NUP42: variants seen among roughly 807,000 people sequenced by gnomAD.
The protein encoded by NUP42 is nucleoporin 42.
Under a neutral mutation model 35.9 loss-of-function variants are expected in NUP42, and 47 were observed. The ratio of observed to expected loss-of-function variants is 1.31; its 90% CI spans 1.04 to 1.67. The LOEUF is 1.67. Ranked by LOEUF, NUP42 falls within the 40% of genes most tolerant of loss-of-function variation. The pLI, the probability that NUP42 is intolerant of heterozygous loss-of-function variation, is 0.00. For missense variants in NUP42, 514 were observed against 492.2 expected, an observed-to-expected ratio of 1.04 and a Z score of -0.42; for synonymous variants, 173 against 173.3, an observed-to-expected ratio of 1.00 and a Z score of 0.01.
At chr7:23,198,202 A>ATTTTTTT (rs1554296929) in intron 5 of NUP42, 2 of 107,176 alleles carry the variant, frequency 1.9e-5, no homozygotes, top group African/African-American at 9.5e-5. Flanking sequence ...AAACAAAAGC[A>ATTTTTTT]TTCTTTTTTT....
At chr7:23,187,599 C>CTTTTTTTTTT (rs11446033) in intron 3 of NUP42, among the ~76,000 whole-genome samples, 2 of 84,828 alleles carry the variant, frequency 2.4e-5, no homozygotes, top group African/African-American at 5.0e-5. Flanking sequence ...GGGATAGCAA[C>CTTTTTTTTTT]TTTTTTTTTT....
At chr7:23,184,992 T>G in intron 1 of NUP42, 78 bp from the exon 2 acceptor site, 1 of 1,224,624 alleles carries the variant, frequency 8.2e-7, no homozygotes, top group African/African-American at 1.5e-5. Flanking sequence ...GGCAAAAGAG[T>G]GAGACCCTAT....
chr7:23,188,075 T>C (rs1785664965), intron 3 of NUP42: 5 of 1,443,226 alleles, frequency 3.5e-6, no homozygotes, highest in Non-Finnish European at 4.6e-6. Context: ...CACCGGGCTT[T>C]CCCAAGCCCA....
intron 3 of NUP42, among the ~76,000 whole-genome samples, chr7:23,189,074 A>T (rs1403833866): frequency 6.6e-6 from 1 of 152,206 alleles, no homozygotes; most frequent in Non-Finnish European, 1.5e-5. Flanking sequence ...CCCATGCCCA[A>T]GTGTGATGAA....
At chr7:23,184,814 C>G (rs565331889) in intron 1 of NUP42, among the ~76,000 whole-genome samples, 125 of 152,078 alleles carry the variant, frequency 8.2e-4, no homozygotes, top group Non-Finnish European at 1.5e-3. Context: ...AGACCAACCC[C>G]GGGCAATATG....
rs763366673 is a variant in NUP42 at position 23,199,577 on chromosome 7, T to C, written c.694+35T>C. ...AAAGTAATGCAGGACTTCACTGATT[T>C]AGAAAAATTAGATTTTATAGGTTTC... On this transcript the variant is annotated intron_variant, in intron 6 of 6. Transcript: ENST00000258742. 4 of 1,531,906 alleles carry C rather than the reference T, an allele frequency of 2.6e-6. No homozygotes were observed. The South Asian group carries it at 4.5e-5, about 17-fold the overall frequency. 94.9% of individuals were successfully genotyped at this position (1,531,906 alleles called of 1,614,324 possible).
chr7:23,200,037 C>T (rs750345302), intron 6 of NUP42, 131 bp from the exon 7 acceptor site: 42 of 672,768 alleles, frequency 6.2e-5, no homozygotes, highest in Non-Finnish European at 8.3e-5. Flanking sequence ...TCATCTCGTC[C>T]GTCCAGTAAG....
intron 3 of NUP42, among the ~76,000 whole-genome samples, chr7:23,189,635 G>C (rs1785721638): frequency 1.3e-5 from 2 of 149,302 alleles, no homozygotes; most frequent in Admixed American, 6.7e-5. Flanking sequence ...TTTTTTGGCT[G>C]TGCACGGTGG....
In NUP42 at chr7:23,182,222, A is replaced by T; in HGVS notation, c.121+16A>T. On this transcript the variant is annotated intron_variant, in intron 1 of 6. Transcript: ENST00000258742. ...CAGCCTTCAGGTGACTCTCCTCTGA[A>T]TCCTCCGCGGTAACCGAGCCGGGAA... 6.3e-7 allele frequency: 1 copy of T among 1,595,714 alleles called. No homozygotes were observed. The highest frequency in any genetic ancestry group is 8.5e-7 in the Non-Finnish European group (1 of 1,171,076).
Position 23,196,692 on chromosome 7 carries a change from C to A in NUP42, c.535C>A (p.Gln179Lys). Residue 179 changes from glutamine to lysine, a missense_variant, in exon 5 of 7, where the codon CAA (glutamine) becomes AAA (lysine). Coordinates refer to ENST00000258742, the MANE Select transcript of NUP42 (RefSeq NM_007342.3). ...CTTCCGTTTTCAGCTAAATTCTGTCCAACGTTTAATAAATCAATGGAGGAA... is the reference window on the plus strand; with the variant it reads ...CTTCCGTTTTCAGCTAAATTCTGTCAAACGTTTAATAAATCAATGGAGGAA... Reference protein sequence around the residue: ...NNLQSYLNSVQRLINQWRNRV... With the variant: ...NNLQSYLNSVKRLINQWRNRV... 6.2e-7 allele frequency: 1 copy of A among 1,609,600 alleles called. No individual in the cohort carries two copies. Among genetic ancestry groups the A allele is most frequent in the South Asian group, 1.1e-5 (1 of 90,840 alleles).
At chr7:23,186,472 A>G (rs1019888766) in intron 2 of NUP42, among the ~76,000 whole-genome samples, 4 of 152,226 alleles carry the variant, frequency 2.6e-5, no homozygotes, top group African/African-American at 7.2e-5. Context: ...TACCCACGGC[A>G]TTACCACAGA....
At chr7:23,187,599 CTTTTT>C (rs11446033) in intron 3 of NUP42, among the ~76,000 whole-genome samples, 3 of 84,828 alleles carry the variant, frequency 3.5e-5, no homozygotes, top group African/African-American at 1.5e-4. Context: ...GGGATAGCAA[CTTTTT>C]TTTTTTTTTT....
chr7:23,188,186 C>G (rs1314485999), intron 3 of NUP42: 5 of 1,276,882 alleles, frequency 3.9e-6, no homozygotes, highest in South Asian at 3.1e-5. Flanking sequence ...GATCTTTCCT[C>G]TGTCTCAGTT....
At position 23,200,104 on chromosome 7, in the gene NUP42, T is replaced by C. The variant is rs189374272; in HGVS notation, c.695-64T>C. Reference sequence around the variant, plus strand: ...AAAAAAAGATAGGGGGAGGAAATAATTGTGACATTTTTCTGACCGTAATAG... The same window carrying C: ...AAAAAAAGATAGGGGGAGGAAATAACTGTGACATTTTTCTGACCGTAATAG... On this transcript the variant is annotated intron_variant, in intron 6 of 6. Coordinates refer to ENST00000258742, the MANE Select transcript of NUP42 (RefSeq NM_007342.3). 4 of 1,142,594 alleles carry C rather than the reference T, an allele frequency of 3.5e-6. No individual in the cohort carries two copies. In the East Asian group the frequency reaches 7.7e-5, roughly 22 times the overall value. The allele number at this position is 1,142,594 out of a possible 1,614,324, so 70.8% of individuals were successfully genotyped here.
intron 3 of NUP42, chr7:23,188,228 TACA>T: frequency 1.0e-5 from 13 of 1,252,660 alleles, no homozygotes; most frequent in Admixed American, 4.2e-5. Flanking sequence ...GCATTTGCAT[TACA>T]ACGCTTCTTA....
chr7:23,195,372 A>G (rs1785978162), intron 3 of NUP42: 1 of 152,390 alleles, frequency 6.6e-6, no homozygotes, highest in South Asian at 2.1e-4. Context: ...TTGTGTGTGA[A>G]TTGCCTGTTC....
Position 23,200,841 on chromosome 7 carries a change from G to T in NUP42, c.*96G>T. 6 of 579,538 alleles carry T rather than the reference G, an allele frequency of 1.0e-5. No individual in the cohort carries two copies. Among genetic ancestry groups the T allele is most frequent in the Non-Finnish European group, 1.3e-5 (5 of 376,540 alleles). The allele number at this position is 579,538 out of a possible 1,614,324, so 35.9% of individuals were successfully genotyped here. On this transcript the variant is annotated 3_prime_UTR_variant, in exon 7 of 7. Coordinates refer to ENST00000258742, the MANE Select transcript of NUP42 (RefSeq NM_007342.3). Reference sequence around the variant, plus strand: ...TATGCATACATGTATATATTCATAAGGAATATAAGCTTCCATCAATAGTGA... The same window carrying T: ...TATGCATACATGTATATATTCATAATGAATATAAGCTTCCATCAATAGTGA...
rs34902971 is a variant in NUP42, at chr7:23,200,649, A to T, written c.1176A>T (p.Lys392Asn). Reference protein sequence around the residue: ...TDNVLFTPRDKLTVEELEQFQ... With the variant: ...TDNVLFTPRDNLTVEELEQFQ... ...ATGTGTTATTCACACCCAGAGATAA[A>T]CTAACAGTAGAAGAACTGGAACAAT... Residue 392 changes from lysine (K) to asparagine (N), a missense_variant, in exon 7 of 7, where the codon AAA (lysine) becomes AAT (asparagine). Transcript: ENST00000258742. 9,084 of 1,613,754 alleles carry T rather than the reference A, an allele frequency of 5.6e-3. 449 individuals are homozygous for T. In the African/African-American group the frequency reaches 0.11, roughly 19 times the overall value.
Position 23,200,160 on chromosome 7 carries a change from G to T in NUP42, c.695-8G>T, listed in dbSNP as rs1397331668. ...TGTTGTTTTTTTTGTTGTTGTTGTT[G>T]TTTGTAGGCTTTCCAGTCAATAACA... On this transcript the variant is annotated splice_region_variant and splice_polypyrimidine_tract_variant and intron_variant, in intron 6 of 6. Coordinates refer to ENST00000258742, the MANE Select transcript of NUP42 (RefSeq NM_007342.3). The T allele has an allele frequency of 5.9e-6, 9 of 1,523,798 alleles. No homozygotes were observed. The highest frequency in any genetic ancestry group is 2.5e-5 in the South Asian group (2 of 78,626). The allele number at this position is 1,523,798 out of a possible 1,614,324, so 94.4% of individuals were successfully genotyped here.
Sources: allele counts gnomAD v4.1 joint callset (sites outside exome capture counted in the v4.1 genomes callset), GRCh38; gene constraint gnomAD v4.1.1; transcripts MANE v1.5; gene names NCBI Gene and HGNC (gene_info 2026-07-23, HGNC 2026-07-21).